The following CRACR2A variants were observed in gnomAD, a reference collection of about 807,000 sequenced individuals.
CRACR2A encodes the protein EF-hand calcium-binding domain-containing protein 4B.
CRACR2A carries 79 observed loss-of-function variants against 90.5 expected under a neutral mutation model. That is an observed-to-expected ratio of 0.87 (90% confidence interval 0.73 to 1.05). The LOEUF (loss-of-function observed/expected upper bound fraction) is 1.05, where lower values mean the gene tolerates loss of function less well. Ranked by LOEUF, CRACR2A falls within the 50% of genes least tolerant of loss-of-function variation. CRACR2A has a pLI of 0.00. For missense variants in CRACR2A, 823 were observed against 897.2 expected (o/e 0.92, Z 1.06); for synonymous variants, 338 against 356.7 (o/e 0.95, Z 0.59).
At chr12:3,645,512 T>G (rs1944667416) in intron 11 of CRACR2A, among the ~76,000 whole-genome samples, 2 of 150,698 alleles carry the variant, frequency 1.3e-5, no homozygotes, top group African/African-American at 4.9e-5. Flanking sequence ...GGGCTGGGGG[T>G]GGTGGGGGTG....
At chr12:3,707,982 T>C (rs7300789) in intron 3 of CRACR2A, among the ~76,000 whole-genome samples, 20,706 of 152,240 alleles carry the variant, frequency 0.14, 1,612 homozygotes, top group Admixed American at 0.23. Context: ...GTGTGATGTA[T>C]CTGGACAAAG....
At chr12:3,734,977 G>T (rs998650842) in intron 1 of CRACR2A, among the ~76,000 whole-genome samples, 4 of 152,082 alleles carry the variant, frequency 2.6e-5, no homozygotes, top group African/African-American at 9.7e-5. Flanking sequence ...ATACTGTATT[G>T]TATACTTGAA....
intron 4 of CRACR2A, among the ~76,000 whole-genome samples, chr12:3,691,474 A>G (rs1379812728): frequency 1.3e-5 from 2 of 152,112 alleles, no homozygotes; most frequent in Non-Finnish European, 2.9e-5. Context: ...CTGGTCCCCA[A>G]TCTCTTCTGG....
chr12:3,717,522 T>G (rs1946099498), intron 2 of CRACR2A, among the ~76,000 whole-genome samples: 2 of 152,156 alleles, frequency 1.3e-5, no homozygotes, highest in South Asian at 4.1e-4. Context: ...CGATCCGGGC[T>G]AGGGTAAGCT....
intron 7 of CRACR2A, 67 bp from the exon 8 acceptor site, chr12:3,659,721 T>G: frequency 7.7e-7 from 1 of 1,294,588 alleles, no homozygotes; most frequent in Non-Finnish European, 1.1e-6. Flanking sequence ...CTCCTGGAGC[T>G]CAGACACCAG....
At chr12:3,695,965 G>T (rs1945732304) in intron 4 of CRACR2A, among the ~76,000 whole-genome samples, 1 of 152,236 alleles carries the variant, frequency 6.6e-6, no homozygotes, top group Non-Finnish European at 1.5e-5. Flanking sequence ...CCCTATTTTG[G>T]TGTGGCTAGT....
chr12:3,693,695 T>C (rs1945691338), intron 4 of CRACR2A, among the ~76,000 whole-genome samples: 1 of 152,192 alleles, frequency 6.6e-6, no homozygotes, highest in Non-Finnish European at 1.5e-5. Context: ...TCTGATGGGC[T>C]TCCCTTTGTA....
At chr12:3,625,708 A>T (rs1289509528) in intron 17 of CRACR2A, among the ~76,000 whole-genome samples, 3 of 150,856 alleles carry the variant, frequency 2.0e-5, no homozygotes, top group Non-Finnish European at 1.5e-5. Flanking sequence ...GCTCTGACGG[A>T]GATGGGGGAT....
intron 11 of CRACR2A, among the ~76,000 whole-genome samples, chr12:3,645,185 G>A (rs1216457195): frequency 2.0e-5 from 3 of 152,210 alleles, no homozygotes; most frequent in Admixed American, 2.0e-4. Flanking sequence ...CAGGAAAGTG[G>A]AGTAAAAGAA....
chr12:3,622,605 G>A (rs1944168582), intron 17 of CRACR2A, among the ~76,000 whole-genome samples: 1 of 152,120 alleles, frequency 6.6e-6, no homozygotes, highest in South Asian at 2.1e-4. Flanking sequence ...CAGCTGCTGG[G>A]TTTGGTTGGT....
chr12:3,674,363 G>A (rs1271125935), intron 6 of CRACR2A, among the ~76,000 whole-genome samples: 1 of 152,186 alleles, frequency 6.6e-6, no homozygotes, highest in Non-Finnish European at 1.5e-5. Flanking sequence ...AGGCACGTGT[G>A]TACACAGCTC....
At chr12:3,673,064 G>A (rs1438662793) in intron 7 of CRACR2A, among the ~76,000 whole-genome samples, 2 of 152,228 alleles carry the variant, frequency 1.3e-5, no homozygotes, top group Non-Finnish European at 2.9e-5. Flanking sequence ...CTCACTCCCA[G>A]TCCTGGCTCT....
chr12:3,749,577 C>G (rs1432714176), intron 1 of CRACR2A, among the ~76,000 whole-genome samples: 3 of 152,182 alleles, frequency 2.0e-5, no homozygotes, highest in African/African-American at 7.2e-5. Context: ...CTGTCCGTGC[C>G]TTAGGATTCT....
At chr12:3,666,377 GCACGCGCGCA>G (rs1369052289) in intron 7 of CRACR2A, among the ~76,000 whole-genome samples, 2 of 151,880 alleles carry the variant, frequency 1.3e-5, no homozygotes, top group Non-Finnish European at 2.9e-5. Flanking sequence ...GCGTGCGCGC[GCACGCGCGCA>G]CACGCTCATG....
rs188094168 is a variant in CRACR2A, at chr12:3,617,355, T to G, written c.2035-325A>C. 2.3e-3 allele frequency among the ~76,000 whole-genome samples: 346 copies of G among 152,338 alleles called. 1 individual carries two copies. The highest frequency in any genetic ancestry group is 7.8e-3 in the African/African-American group (326 of 41,578). ...CTCATTCCAGGTTACACCAGCCCTG[T>G]GATTCAGGCAAAGACACAAAGGCCA... On this transcript the variant is annotated intron_variant, in intron 18 of 19. Coordinates refer to ENST00000440314, the MANE Select transcript of CRACR2A (RefSeq NM_001144958.2).
chr12:3,659,761 G>T (rs1329420379), intron 7 of CRACR2A, 107 bp from the exon 8 acceptor site: 3 of 866,204 alleles, frequency 3.5e-6, no homozygotes, highest in Non-Finnish European at 5.8e-6. Flanking sequence ...TGGGTGTGGG[G>T]GTGACAGCAT....
intron 4 of CRACR2A, among the ~76,000 whole-genome samples, chr12:3,689,662 T>C (rs1224557262): frequency 6.6e-6 from 1 of 152,208 alleles, no homozygotes; most frequent in Admixed American, 6.5e-5. Context: ...TCTTTTTTTG[T>C]TGTGTCTCTG....
chr12:3,689,765 T>C (rs1333464912), intron 4 of CRACR2A, among the ~76,000 whole-genome samples: 1 of 140,020 alleles, frequency 7.1e-6, no homozygotes, highest in Non-Finnish European at 1.5e-5. Flanking sequence ...TCGGTAGGAA[T>C]GGTACCAGCT....
chr12:3,674,710 G>A (rs1018645785), intron 6 of CRACR2A, among the ~76,000 whole-genome samples: 7 of 152,072 alleles, frequency 4.6e-5, no homozygotes, highest in East Asian at 1.9e-4. Flanking sequence ...ATCTTATCCC[G>A]CAAACAATCA....
Sources: gnomAD v4.1 joint callset for allele counts (sites outside exome capture counted in the v4.1 genomes callset) on GRCh38, gnomAD v4.1.1 for gene constraint, MANE v1.5 for transcripts, NCBI Gene and HGNC (gene_info 2026-07-23, HGNC 2026-07-21) for gene names.